Variants in CFAP77 observed in about 807,000 individuals in gnomAD.
CFAP77 encodes cilia- and flagella-associated protein 77.
CFAP77 carries 25 observed loss-of-function variants against 31.1 expected under a neutral mutation model. The observed-to-expected ratio is 0.80, with a 90% CI of 0.59 to 1.12. The LOEUF is 1.12. Among genes scored for constraint, CFAP77 ranks in the 50% most tolerant of loss-of-function variants. CFAP77 has a pLI of 0.00. For missense variants in CFAP77, 377 were observed against 397.3 expected (o/e 0.95, Z 0.44); for synonymous variants, 151 against 159.9 (o/e 0.94, Z 0.42).
chr9:132,550,519 CTTTTTTTTT>C (rs766424349), intron 5 of CFAP77, among the ~76,000 whole-genome samples: 2 of 102,822 alleles, frequency 1.9e-5, no homozygotes, highest in East Asian at 3.0e-4. Flanking sequence ...TCCCTTGAAG[CTTTTTTTTT>C]TTTTTTTTTT....
intron 3 of CFAP77, among the ~76,000 whole-genome samples, chr9:132,515,282 T>C (rs1852126666): frequency 1.3e-5 from 2 of 152,172 alleles, no homozygotes; most frequent in African/African-American, 4.8e-5. Flanking sequence ...AAGGAGAGAC[T>C]GTGTCAAATG....
intron 1 of CFAP77, among the ~76,000 whole-genome samples, chr9:132,433,596 G>A (rs1177283442): frequency 1.3e-5 from 2 of 151,104 alleles, no homozygotes; most frequent in Non-Finnish European, 2.9e-5. Flanking sequence ...CACCCAGGCT[G>A]GAGTGCAGTG....
intron 1 of CFAP77, among the ~76,000 whole-genome samples, chr9:132,449,897 T>TG (rs368225435): frequency 0.012 from 955 of 80,590 alleles, 3 homozygotes; most frequent in East Asian, 0.034. Context: ...ATTAAGAGTT[T>TG]TTTTGTTTGT....
intron 1 of CFAP77, among the ~76,000 whole-genome samples, chr9:132,428,982 A>G (rs1331841450): frequency 2.0e-5 from 3 of 152,116 alleles, no homozygotes; most frequent in Non-Finnish European, 2.9e-5. Context: ...TAACAAGGTA[A>G]TCACTAGAGT....
At chr9:132,426,003 G>A (rs1376990063) in intron 1 of CFAP77, among the ~76,000 whole-genome samples, 1 of 152,182 alleles carries the variant, frequency 6.6e-6, no homozygotes, top group Non-Finnish European at 1.5e-5. Flanking sequence ...ACATGAAAGT[G>A]ACTTGTTCAA....
At chr9:132,446,467 G>C (rs1589854808) in intron 1 of CFAP77, among the ~76,000 whole-genome samples, 1 of 152,108 alleles carries the variant, frequency 6.6e-6, no homozygotes, top group Non-Finnish European at 1.5e-5. Context: ...AAGGTCGGGC[G>C]TGGTGGCTCA....
At chr9:132,555,116 C>T (rs1209894686) in intron 5 of CFAP77, among the ~76,000 whole-genome samples, 3 of 152,232 alleles carry the variant, frequency 2.0e-5, no homozygotes, top group Non-Finnish European at 4.4e-5. Context: ...GGACATTTCC[C>T]TAGAACCATG....
In CFAP77 at chr9:132,572,508, T is replaced by G; in HGVS notation, c.853T>G (p.Ter285GluextTer13). ...GCGGATGGGCAACTACACCCACCCC[T>G]AGCCCCTCCCTCCCCTGCCACAAGA... Reference protein sequence around the residue: ...TLRMGNYTHP* With the variant: ...TLRMGNYTHPE Residue 285 changes from the stop codon to glutamate, a stop_lost, in exon 6 of 6, where the codon TAG (stop) becomes GAG (glutamate). Coordinates refer to ENST00000393216, the MANE Select transcript of CFAP77 (RefSeq NM_001282957.2). 6 of 1,029,624 alleles carry G rather than the reference T, an allele frequency of 5.8e-6. No individual in the cohort carries two copies. Among genetic ancestry groups the G allele is most frequent in the Non-Finnish European group, 7.0e-6 (5 of 709,636 alleles). 63.8% of individuals were successfully genotyped at this position (1,029,624 alleles called of 1,614,324 possible).
chr9:132,561,313 A>G (rs1829797698), intron 5 of CFAP77, among the ~76,000 whole-genome samples: 1 of 151,258 alleles, frequency 6.6e-6, no homozygotes, highest in African/African-American at 2.4e-5. Flanking sequence ...TATGCCTGTC[A>G]TTATTTTTTT....
rs1014176056 is a variant in CFAP77 at position 132,513,130 on chromosome 9, G to A, written c.524+13530G>A. 19 of 920,852 alleles carry A rather than the reference G, an allele frequency of 2.1e-5. No homozygotes were observed. In the African/African-American group the frequency reaches 3.2e-4, roughly 15 times the overall value. 57.0% of individuals were successfully genotyped at this position (920,852 alleles called of 1,614,324 possible). ...ATAATAATCACATCGTGGAGAATGG[G>A]GTCTCCAGCTCCTCAAGCACACAAT... is the stretch of plus-strand genomic sequence containing the variant. On this transcript the variant is annotated intron_variant, in intron 3 of 5. Coordinates refer to ENST00000393216, the MANE Select transcript of CFAP77 (RefSeq NM_001282957.2).
chr9:132,482,384 C>T (rs1851464947), intron 1 of CFAP77: 1 of 1,613,838 alleles, frequency 6.2e-7, no homozygotes. Flanking sequence ...TTATTCCTTC[C>T]CTTGCTGGAC....
At chr9:132,451,372 T>G (rs982004105) in intron 1 of CFAP77, among the ~76,000 whole-genome samples, 14 of 150,696 alleles carry the variant, frequency 9.3e-5, no homozygotes, top group African/African-American at 3.4e-4. Flanking sequence ...GATCATGAAT[T>G]GGATGTGGGT....
intron 1 of CFAP77, among the ~76,000 whole-genome samples, chr9:132,458,351 G>C (rs372357051): frequency 1.5e-4 from 18 of 120,466 alleles, no homozygotes; most frequent in Admixed American, 9.9e-4. Flanking sequence ...GCGGGGGAGG[G>C]GGGGGGGTGT....
At chr9:132,460,007 G>A (rs920739541) in intron 1 of CFAP77, among the ~76,000 whole-genome samples, 1 of 152,102 alleles carries the variant, frequency 6.6e-6, no homozygotes, top group Non-Finnish European at 1.5e-5. Flanking sequence ...CACTTCTCCT[G>A]ACATCCAGGT....
intron 5 of CFAP77, among the ~76,000 whole-genome samples, chr9:132,546,261 CCGGG>C (rs1229569274): frequency 6.6e-6 from 1 of 152,206 alleles, no homozygotes; most frequent in Non-Finnish European, 1.5e-5. Flanking sequence ...ACTCAGGGGT[CCGGG>C]CGGGTGGCCA....
chr9:132,567,212 T>C (rs1054992128), intron 5 of CFAP77, among the ~76,000 whole-genome samples: 5 of 152,124 alleles, frequency 3.3e-5, no homozygotes, highest in African/African-American at 1.2e-4. Context: ...GGTTAGTCAT[T>C]GGGAGGAGCC....
rs191490884 is a variant in CFAP77 at position 132,473,829 on chromosome 9, G to A, written c.196-24866G>A. Among the ~76,000 whole-genome samples the A allele has an allele frequency of 3.5e-3, 540 of 152,216 alleles. 1 individual carries two copies. Among genetic ancestry groups the A allele is most frequent in the African/African-American group, 4.6e-3 (191 of 41,544 alleles). ...CTCCCAAGTAGCTGGGATTACAGGC[G>A]TGCACCACCACGCCCGGCTAATTTT... is the stretch of plus-strand genomic sequence containing the variant. On this transcript the variant is annotated intron_variant, in intron 1 of 5. Coordinates refer to ENST00000393216, the MANE Select transcript of CFAP77 (RefSeq NM_001282957.2).
rs372137444 is a variant in CFAP77 at position 132,517,837 on chromosome 9, C to T, written c.524+18237C>T. On this transcript the variant is annotated intron_variant, in intron 3 of 5. Transcript: ENST00000393216. The surrounding 1 kb of genome is among the most constrained non-coding windows in gnomAD (Gnocchi z 4.7). The stretch of plus-strand genomic sequence containing the variant: ...CCCTGCACATCCCCTGTGCCTGCAT[C>T]GGAGATCAACCCCTGGTCTGGGGTA... Among the ~76,000 whole-genome samples the T allele has an allele frequency of 1.7e-4, 26 of 152,302 alleles. No individual in the cohort carries two copies. Among genetic ancestry groups the T allele is most frequent in the East Asian group, 1.5e-3 (8 of 5,190 alleles).
intron 3 of CFAP77, among the ~76,000 whole-genome samples, chr9:132,505,256 A>G (rs1193677811): frequency 6.6e-6 from 1 of 151,896 alleles, no homozygotes; most frequent in African/African-American, 2.4e-5. Flanking sequence ...TGAGGGGTGC[A>G]CCCCCTCTTC....
Sources: gnomAD v4.1 joint callset for allele counts (sites outside exome capture counted in the v4.1 genomes callset) on GRCh38, gnomAD v4.1.1 for gene constraint, Gnocchi (gnomAD v3.1) non-coding constraint, MANE v1.5 for transcripts, NCBI Gene and HGNC (gene_info 2026-07-23, HGNC 2026-07-21) for gene names.